Variants in LRRC69 observed in about 807,000 individuals in gnomAD.
LRRC69 encodes the protein leucine rich repeat containing 69.
Under a neutral mutation model 37.8 loss-of-function variants are expected in LRRC69, and 42 were observed. The ratio of observed to expected loss-of-function variants is 1.11; its 90% CI spans 0.87 to 1.44. LRRC69 has a LOEUF of 1.44. Ranked by LOEUF, LRRC69 falls within the 40% of genes most tolerant of loss-of-function variation. The pLI is 0.00. For missense variants in LRRC69, 357 were observed against 401.9 expected, an observed-to-expected ratio of 0.89 and a Z score of 0.96; for synonymous variants, 141 against 143.1, an observed-to-expected ratio of 0.99 and a Z score of 0.11.
At chr8:91,157,285 G>A in intron 5 of LRRC69, 4 of 1,602,542 alleles carry the variant, frequency 2.5e-6, no homozygotes, top group Non-Finnish European at 2.6e-6. Context: ...TCTCACAGGT[G>A]TGCCTCCTTC....
At chr8:91,169,956 C>T (rs1184089947) in intron 5 of LRRC69, among the ~76,000 whole-genome samples, 1 of 103,392 alleles carries the variant, frequency 9.7e-6, no homozygotes, top group African/African-American at 4.0e-5. Flanking sequence ...CAAGTCTTTG[C>T]TATTGTGAAT....
At position 91,116,820 on chromosome 8, in the gene LRRC69, G is replaced by T. The variant is rs1408581367; in HGVS notation, c.184-7673G>T. ...TTAATTTAAATTTAATTTAAGTATT[G>T]GTCAGTATTGTCATTAATAATCTGT... On this transcript the variant is annotated intron_variant, in intron 1 of 7. Transcript: ENST00000448384. Among the ~76,000 whole-genome samples the T allele has an allele frequency of 2.6e-5, 4 of 151,820 alleles. No homozygotes were observed. In the South Asian group the frequency reaches 8.3e-4, roughly 32 times the overall value.
chr8:91,109,936 G>A (rs1458010971), intron 1 of LRRC69, among the ~76,000 whole-genome samples: 2 of 151,916 alleles, frequency 1.3e-5, no homozygotes, highest in African/African-American at 2.4e-5. Flanking sequence ...ATTAAACAGC[G>A]GTTTTAAGGA....
intron 5 of LRRC69, among the ~76,000 whole-genome samples, chr8:91,156,280 A>T (rs944768829): frequency 4.0e-5 from 6 of 151,040 alleles, no homozygotes; most frequent in Non-Finnish European, 7.4e-5. Context: ...GGGATGAGAT[A>T]TGTCTTACTG....
At chr8:91,209,198 G>A (rs539285647) in intron 7 of LRRC69, among the ~76,000 whole-genome samples, 13 of 152,202 alleles carry the variant, frequency 8.5e-5, no homozygotes, top group East Asian at 5.8e-4. Context: ...AGGCCGAGGC[G>A]GGCGGATCAC....
intron 5 of LRRC69, among the ~76,000 whole-genome samples, chr8:91,170,053 T>TGG: frequency 8.6e-6 from 1 of 115,710 alleles, no homozygotes; most frequent in Non-Finnish European, 1.8e-5. Flanking sequence ...ATGGGATGGC[T>TGG]GGGTCAAATG....
intron 3 of LRRC69, among the ~76,000 whole-genome samples, chr8:91,128,182 CTG>C (rs1813752439): frequency 6.6e-6 from 1 of 151,956 alleles, no homozygotes; most frequent in Admixed American, 6.6e-5. Context: ...GGGCATATCT[CTG>C]TGCAACTAGA....
chr8:91,210,975 T>C lies in LRRC69; in HGVS notation c.934-7915T>C, dbSNP rs1020513071. ...ACTATATACCACCAAAGTTGAACTA[T>C]TGAGAGCTAAAGATGAAATGTTAAG... On this transcript the variant is annotated intron_variant, in intron 7 of 7. Transcript: ENST00000448384. Among the ~76,000 whole-genome samples, 4 of 152,252 alleles carry C rather than the reference T, an allele frequency of 2.6e-5. No homozygotes were observed. The East Asian group carries it at 7.7e-4, about 29-fold the overall frequency.
chr8:91,165,854 G>A (rs1009922040), intron 5 of LRRC69, among the ~76,000 whole-genome samples: 1 of 151,816 alleles, frequency 6.6e-6, no homozygotes, highest in Admixed American at 6.6e-5. Flanking sequence ...TATTGCAAGA[G>A]ATCCCTGAGT....
intron 7 of LRRC69, among the ~76,000 whole-genome samples, chr8:91,218,264 A>G (rs1810091456): frequency 6.6e-6 from 1 of 152,156 alleles, no homozygotes; most frequent in Non-Finnish European, 1.5e-5. Context: ...TAGAAATGGT[A>G]AGCTTTTGAG....
intron 1 of LRRC69, among the ~76,000 whole-genome samples, chr8:91,124,281 T>G (rs1408810594): frequency 6.6e-6 from 1 of 152,034 alleles, no homozygotes; most frequent in Non-Finnish European, 1.5e-5. Flanking sequence ...TAATTAAAAA[T>G]TAAATTGTGC....
chr8:91,149,857 G>A (rs1382895130), intron 5 of LRRC69, among the ~76,000 whole-genome samples: 1 of 151,912 alleles, frequency 6.6e-6, no homozygotes, highest in East Asian at 1.9e-4. Context: ...GTTGTCAATG[G>A]GAGTTCACTC....
intron 7 of LRRC69, among the ~76,000 whole-genome samples, chr8:91,206,314 A>G (rs1434748583): frequency 6.6e-6 from 1 of 152,236 alleles, no homozygotes; most frequent in African/African-American, 2.4e-5. Flanking sequence ...GAGAACATTA[A>G]AATAGTGGTT....
intron 7 of LRRC69, chr8:91,206,931 A>C: frequency 1.0e-5 from 10 of 993,798 alleles, no homozygotes; most frequent in Non-Finnish European, 1.3e-5. Context: ...TTAACCAGAG[A>C]GTCTGGGCTA....
chr8:91,131,715 G>C (rs1480818361), intron 3 of LRRC69, among the ~76,000 whole-genome samples: 1 of 151,824 alleles, frequency 6.6e-6, no homozygotes, highest in Non-Finnish European at 1.5e-5. Context: ...TATTGACTTT[G>C]TAGTTTGTGA....
chr8:91,149,516 C>T (rs543833811), intron 5 of LRRC69, among the ~76,000 whole-genome samples: 74 of 151,920 alleles, frequency 4.9e-4, no homozygotes, highest in Non-Finnish European at 7.2e-4. Flanking sequence ...AGTCAGGTAG[C>T]GTGATGCCTC....
chr8:91,211,615 TA>T (rs66474147), intron 7 of LRRC69, among the ~76,000 whole-genome samples: 4,205 of 130,362 alleles, frequency 0.032, 179 homozygotes, highest in African/African-American at 0.11. Context: ...TATATATATA[TA>T]TTTTTTTTTT....
At chr8:91,163,782 TA>T (rs1808984953) in intron 5 of LRRC69, among the ~76,000 whole-genome samples, 1 of 150,410 alleles carries the variant, frequency 6.6e-6, no homozygotes, top group African/African-American at 2.4e-5. Context: ...CTGCCAAGTT[TA>T]GAAAAAAATT....
chr8:91,167,436 G>A (rs957762220), intron 5 of LRRC69, among the ~76,000 whole-genome samples: 2 of 151,502 alleles, frequency 1.3e-5, no homozygotes. Context: ...GGCTCCCTCC[G>A]ACAACACATG....
Sources: gnomAD v4.1 joint callset for allele counts (sites outside exome capture counted in the v4.1 genomes callset) on GRCh38, gnomAD v4.1.1 for gene constraint, MANE v1.5 for transcripts, NCBI Gene and HGNC (gene_info 2026-07-23, HGNC 2026-07-21) for gene names.